MEGF10: variants seen among roughly 807,000 people sequenced by gnomAD.
MEGF10 encodes the protein multiple epidermal growth factor-like domains protein 10.
A neutral mutation model predicts 147.5 loss-of-function variants in MEGF10; 86 were observed. That is an observed-to-expected ratio of 0.58 (90% CI 0.49 to 0.70). The LOEUF (loss-of-function observed/expected upper bound fraction) is 0.70. Ranked by LOEUF, MEGF10 falls within the 30% of genes least tolerant of loss-of-function variation. MEGF10 has a pLI of 0.00. For synonymous variants in MEGF10, 478 were observed against 525.5 expected, an observed-to-expected ratio of 0.91 and a Z score of 1.24; for missense variants, 1,329 against 1,487.3, an observed-to-expected ratio of 0.89 and a Z score of 1.75.
chr5:127,239,927 T>A, the MEGF10 span, among the ~76,000 whole-genome samples: 2 of 152,150 alleles, frequency 1.3e-5, no homozygotes, highest in African/African-American at 4.8e-5. Context: ...CCAGCTACTA[T>A]TTTCCCTTGC....
intron 1 of MEGF10, among the ~76,000 whole-genome samples, chr5:127,302,091 A>G (rs576978391): frequency 6.6e-6 from 1 of 152,266 alleles, no homozygotes; most frequent in African/African-American, 2.4e-5. Context: ...CTAGTGAATG[A>G]ATTTGTTTTT....
intron 4 of MEGF10, among the ~76,000 whole-genome samples, chr5:127,356,240 G>A (rs1314625952): frequency 2.0e-5 from 3 of 152,226 alleles, no homozygotes; most frequent in African/African-American, 7.2e-5. Flanking sequence ...ATAATCCAGT[G>A]GTAAACCTAG....
At chr5:127,233,487 G>A in the MEGF10 span, among the ~76,000 whole-genome samples, 2 of 152,142 alleles carry the variant, frequency 1.3e-5, no homozygotes, top group East Asian at 1.9e-4. Context: ...GAAGTAAGGC[G>A]GCAATTAGCC....
intron 1 of MEGF10, among the ~76,000 whole-genome samples, chr5:127,302,709 G>A (rs1252262428): frequency 6.6e-6 from 1 of 152,208 alleles, no homozygotes; most frequent in African/African-American, 2.4e-5. Flanking sequence ...TGTGCTATGA[G>A]GCAAGCCTTT....
At chr5:127,388,542 TTTA>T (rs1763524707) in intron 5 of MEGF10, among the ~76,000 whole-genome samples, 1 of 149,774 alleles carries the variant, frequency 6.7e-6, no homozygotes, top group Non-Finnish European at 1.5e-5. Flanking sequence ...TATTTATTTA[TTTA>T]TTTATTTATT....
At chr5:127,245,649 A>G in the MEGF10 span, among the ~76,000 whole-genome samples, 5 of 152,244 alleles carry the variant, frequency 3.3e-5, no homozygotes, top group African/African-American at 1.2e-4. Flanking sequence ...AGCAAAAGAA[A>G]CTATCATCAG....
chr5:127,421,984 G>A (rs1191244539), intron 12 of MEGF10, among the ~76,000 whole-genome samples: 7 of 101,868 alleles, frequency 6.9e-5, no homozygotes, highest in Non-Finnish European at 1.1e-4. Flanking sequence ...GTGAGACTCC[G>A]TCTCAAAAAA....
the MEGF10 span, among the ~76,000 whole-genome samples, chr5:127,251,233 A>G: frequency 1.3e-5 from 2 of 152,090 alleles, no homozygotes; most frequent in African/African-American, 4.8e-5. Context: ...GCGCAGGTAT[A>G]GGCAGAGATA....
Position 127,409,179 on chromosome 5 carries a change from T to C in MEGF10, c.918-1210T>C, listed in dbSNP as rs182297623. Among the ~76,000 whole-genome samples the C allele has an allele frequency of 2.3e-3, 347 of 152,344 alleles. 1 individual carries two copies. The highest frequency in any genetic ancestry group is 7.9e-3 in the African/African-American group (328 of 41,582). On this transcript the variant is annotated intron_variant, in intron 8 of 24. Coordinates refer to ENST00000503335, the MANE Select transcript of MEGF10 (RefSeq NM_001256545.2). ...ATCATTAAAAATATGCAAAGTTTTG[T>C]GGAAACACTATTTCTTTGAAGTATG...
chr5:127,390,845 G>A (rs776525148), intron 5 of MEGF10, among the ~76,000 whole-genome samples: 2 of 152,014 alleles, frequency 1.3e-5, no homozygotes, highest in African/African-American at 4.8e-5. Flanking sequence ...CTGGAGGCAG[G>A]AGGTCTGTGC....
chr5:127,450,433 C>T (rs1307522426), intron 22 of MEGF10, among the ~76,000 whole-genome samples: 2 of 152,184 alleles, frequency 1.3e-5, no homozygotes, highest in African/African-American at 4.8e-5. Context: ...ACTTAAAGAA[C>T]TTCTGTGATA....
intron 4 of MEGF10, among the ~76,000 whole-genome samples, chr5:127,347,101 C>T (rs940044707): frequency 4.6e-5 from 7 of 151,966 alleles, no homozygotes; most frequent in African/African-American, 1.7e-4. Flanking sequence ...GATTTTGGAG[C>T]ATTTTGGCTT....
In MEGF10 at chr5:127,359,883, T is replaced by C. The variant is rs571556287; in HGVS notation, c.320-10027T>C. On this transcript the variant is annotated intron_variant, in intron 4 of 24. Transcript: ENST00000503335. ...GGCATACATATGCTTTCATTTCTCT[T>C]GGGTAATACCTGGAGTTGGATGGCT... Among the ~76,000 whole-genome samples, 3 of 152,264 alleles carry C rather than the reference T, an allele frequency of 2.0e-5. No homozygotes were observed. The East Asian group carries it at 5.8e-4, about 29-fold the overall frequency.
chr5:127,297,448 A>C (rs954567000), intron 1 of MEGF10, among the ~76,000 whole-genome samples: 5 of 152,218 alleles, frequency 3.3e-5, no homozygotes, highest in African/African-American at 9.6e-5. Context: ...ATTAAAAAAA[A>C]AACAACAACT....
At chr5:127,340,458 C>T (rs2126800320) in intron 3 of MEGF10, 72 bp from the exon 4 acceptor site, 1 of 1,136,302 alleles carries the variant, frequency 8.8e-7, no homozygotes, top group East Asian at 2.4e-5. Flanking sequence ...CATATTTCTT[C>T]ATAACTAGTT....
the MEGF10 span, among the ~76,000 whole-genome samples, chr5:127,239,468 A>G: frequency 2.1e-5 from 3 of 142,146 alleles, no homozygotes; most frequent in Non-Finnish European, 4.6e-5. Context: ...TAAAATATAT[A>G]TATATATAAT....
chr5:127,414,121 C>T (rs150508531), intron 9 of MEGF10, among the ~76,000 whole-genome samples: 47 of 152,202 alleles, frequency 3.1e-4, no homozygotes, highest in Admixed American at 1.1e-3. Context: ...AAAAATTTCC[C>T]GTTTTTTGTA....
intron 5 of MEGF10, 69 bp from the exon 6 acceptor site, chr5:127,396,463 C>A: frequency 6.8e-7 from 1 of 1,479,332 alleles, no homozygotes; most frequent in Non-Finnish European, 9.0e-7. Context: ...AAGCCATTCT[C>A]CCCGAGAGGC....
chr5:127,354,280 G>C (rs1762196837), intron 4 of MEGF10, among the ~76,000 whole-genome samples: 2 of 152,172 alleles, frequency 1.3e-5, no homozygotes, highest in South Asian at 4.1e-4. Flanking sequence ...ACTAACCCAG[G>C]ACTCTTTTCC....
Sources: gnomAD v4.1 joint callset for allele counts (sites outside exome capture counted in the v4.1 genomes callset) on GRCh38, gnomAD v4.1.1 for gene constraint, MANE v1.5 for transcripts, NCBI Gene and HGNC (gene_info 2026-07-23, HGNC 2026-07-21) for gene names.